GPHN: variants seen among roughly 807,000 people sequenced by gnomAD.
The protein encoded by GPHN is gephyrin.
GPHN carries 17 observed loss-of-function variants against 95.5 expected under a neutral mutation model. That is an observed-to-expected ratio of 0.18 (90% confidence interval 0.12 to 0.27). GPHN has a LOEUF of 0.27. Among genes scored for constraint, GPHN ranks in the 10% least tolerant of loss-of-function variants. GPHN has a pLI of 1.00. For missense variants in GPHN, 660 were observed against 978.1 expected (o/e 0.67, Z 4.34); for synonymous variants, 320 against 322.5 (o/e 0.99, Z 0.08).
In GPHN at chr14:66,933,291, G is replaced by C. The variant is rs530406655; in HGVS notation, c.828+8999G>C. Among the ~76,000 whole-genome samples, 7 of 152,328 alleles carry C rather than the reference G, an allele frequency of 4.6e-5. 1 individual carries two copies. In the South Asian group the frequency reaches 1.4e-3, roughly 32 times the overall value. On this transcript the variant is annotated intron_variant, in intron 8 of 22. Transcript: ENST00000478722. ...TGAAGAAGTTATGTTAACTTTGAAT[G>C]CTTCTCTAGCACTAACTTTATTAAT...
At position 66,508,308 on chromosome 14, in the gene GPHN, C is replaced by T. The variant is rs1035245650; in HGVS notation, c.-220C>T. 1.7e-6 allele frequency: 1 copy of T among 598,842 alleles called. No homozygotes were observed. The highest frequency in any genetic ancestry group is 3.0e-6 in the Non-Finnish European group (1 of 336,226). 37.1% of individuals were successfully genotyped at this position (598,842 alleles called of 1,614,324 possible). A position where few individuals can be genotyped will look rare whatever the true frequency, so the allele number is the denominator to read the frequency against. ...CTTGCCGGACTTGGGGCCGCGCGCC[C>T]TGACTCCTTCCCCTCCCGCGGACCC... On this transcript the variant is annotated 5_prime_UTR_variant, in exon 1 of 23. Coordinates refer to ENST00000478722, the MANE Select transcript of GPHN (RefSeq NM_020806.5).
chr14:66,797,143 G>A (rs979628518), intron 3 of GPHN, among the ~76,000 whole-genome samples: 29 of 150,508 alleles, frequency 1.9e-4, no homozygotes, highest in African/African-American at 7.1e-4. Context: ...TTCACTGTAG[G>A]TATGTGGATT....
chr14:66,567,350 C>G (rs927000277), intron 1 of GPHN, among the ~76,000 whole-genome samples: 9 of 152,108 alleles, frequency 5.9e-5, no homozygotes, highest in Admixed American at 4.6e-4. Context: ...GTAGATAAGG[C>G]TATTTAATAC....
chr14:66,692,352 A>G (rs2067838639), intron 2 of GPHN, among the ~76,000 whole-genome samples: 1 of 152,150 alleles, frequency 6.6e-6, no homozygotes, highest in South Asian at 2.1e-4. Flanking sequence ...TTTATCAACT[A>G]CCTGCTAGGA....
At chr14:66,661,436 A>G (rs1398358998) in intron 1 of GPHN, among the ~76,000 whole-genome samples, 1 of 152,060 alleles carries the variant, frequency 6.6e-6, no homozygotes, top group East Asian at 1.9e-4. Flanking sequence ...GGGACCCTCA[A>G]TCCAAATCCT....
At chr14:67,009,397 A>G (rs556988740) in intron 9 of GPHN, among the ~76,000 whole-genome samples, 1 of 152,178 alleles carries the variant, frequency 6.6e-6, no homozygotes, top group African/African-American at 2.4e-5. Flanking sequence ...ATTAGATACA[A>G]TATTTCTAAC....
chr14:66,799,815 A>G (rs2060280865), intron 3 of GPHN, among the ~76,000 whole-genome samples: 1 of 151,872 alleles, frequency 6.6e-6, no homozygotes, highest in Non-Finnish European at 1.5e-5. Context: ...ATTCAGTGTT[A>G]TTATTGATAA....
At chr14:66,839,243 C>T (rs2153506471) in intron 4 of GPHN, among the ~76,000 whole-genome samples, 1 of 152,280 alleles carries the variant, frequency 6.6e-6, no homozygotes, top group East Asian at 1.9e-4. Flanking sequence ...AGGCCAAAGG[C>T]AACAATGTGG....
intron 1 of GPHN, among the ~76,000 whole-genome samples, chr14:66,568,964 AGATAT>A (rs556590573): frequency 8.1e-4 from 124 of 152,192 alleles, no homozygotes; most frequent in Non-Finnish European, 1.4e-3. Context: ...TTTATAGAAA[AGATAT>A]ATTTCCAACA....
chr14:67,555,936 G>A, the GPHN span: 12 of 1,592,042 alleles, frequency 7.5e-6, 1 homozygote, highest in Middle Eastern at 1.9e-4. Flanking sequence ...ATGACCGTCG[G>A]CCCTTCCAGG....
chr14:67,155,756 A>G (rs2081546781), intron 18 of GPHN, among the ~76,000 whole-genome samples: 2 of 152,154 alleles, frequency 1.3e-5, no homozygotes, highest in Non-Finnish European at 2.9e-5. Flanking sequence ...AATAAAAGAC[A>G]TCAAGCCAGA....
At chr14:66,996,509 A>G (rs1189402602) in intron 9 of GPHN, among the ~76,000 whole-genome samples, 41 of 152,112 alleles carry the variant, frequency 2.7e-4, no homozygotes, top group Admixed American at 2.7e-3. Flanking sequence ...TTATTCCATA[A>G]TGACTCTTTT....
chr14:67,419,387 G>A, the GPHN span, among the ~76,000 whole-genome samples: 2 of 152,102 alleles, frequency 1.3e-5, no homozygotes, highest in African/African-American at 4.8e-5. Context: ...TCACCTGCAC[G>A]GTTTTTCCCA....
At chr14:66,649,647 A>G (rs1013621358) in intron 1 of GPHN, among the ~76,000 whole-genome samples, 2 of 152,182 alleles carry the variant, frequency 1.3e-5, no homozygotes, top group African/African-American at 2.4e-5. Context: ...AGCTGAGGCA[A>G]TGATGCTAGC....
chr14:67,486,388 C>A, the GPHN span, among the ~76,000 whole-genome samples: 4 of 152,262 alleles, frequency 2.6e-5, no homozygotes, highest in Non-Finnish European at 5.9e-5. Flanking sequence ...GATTCTCCTG[C>A]CTCAGCCTCC....
At chr14:67,381,746 T>A in the GPHN span, 1 of 1,205,490 alleles carries the variant, frequency 8.3e-7, no homozygotes, top group Non-Finnish European at 1.2e-6. Context: ...CCAAATAGGA[T>A]CTTTGATCTT....
chr14:67,003,484 A>G (rs1232668503), intron 9 of GPHN, among the ~76,000 whole-genome samples: 1 of 150,864 alleles, frequency 6.6e-6, no homozygotes, highest in Non-Finnish European at 1.5e-5. Flanking sequence ...AAGGCATTTT[A>G]CCTGACAAAT....
chr14:66,826,774 C>G (rs1156697252), intron 4 of GPHN, among the ~76,000 whole-genome samples: 3 of 152,272 alleles, frequency 2.0e-5, no homozygotes, highest in South Asian at 2.1e-4. Context: ...GCCCCTCCGG[C>G]ACCTTGATGT....
chr14:66,674,215 C>G (rs1047041108), intron 1 of GPHN, among the ~76,000 whole-genome samples: 1 of 151,910 alleles, frequency 6.6e-6, no homozygotes, highest in East Asian at 1.9e-4. Context: ...TCTCCTGCCT[C>G]AGCCTCCCGA....
Sources: gnomAD v4.1 joint callset for allele counts (sites outside exome capture counted in the v4.1 genomes callset) on GRCh38, gnomAD v4.1.1 for gene constraint, MANE v1.5 for transcripts, NCBI Gene and HGNC (gene_info 2026-07-23, HGNC 2026-07-21) for gene names.